The following CDK6 variants were observed in gnomAD, a reference collection of about 807,000 sequenced individuals.
The protein encoded by CDK6 is cyclin dependent kinase 6.
Under a neutral mutation model 37.1 loss-of-function variants are expected in CDK6, and 6 were observed. The observed-to-expected ratio is 0.16, with a 90% CI of 0.09 to 0.32. The LOEUF (loss-of-function observed/expected upper bound fraction) is 0.32. CDK6 is among the 10% of genes least tolerant of loss of function. The pLI, the probability that CDK6 is intolerant of heterozygous loss-of-function variation, is 1.00. For synonymous variants in CDK6, 160 were observed against 161.3 expected (o/e 0.99, Z 0.06); for missense variants, 224 against 418.9 (o/e 0.53, Z 4.06).
chr7:92,807,775 T>A (rs984348816), intron 2 of CDK6, among the ~76,000 whole-genome samples: 2 of 152,146 alleles, frequency 1.3e-5, no homozygotes, highest in African/African-American at 4.8e-5. Flanking sequence ...CTCTTATCTA[T>A]CATGATGAAC....
intron 4 of CDK6, among the ~76,000 whole-genome samples, chr7:92,722,081 T>C (rs943084873): frequency 3.9e-5 from 6 of 152,174 alleles, no homozygotes; most frequent in Admixed American, 3.9e-4. Context: ...CAAAGTTCTA[T>C]ATGTAAGAAC....
intron 3 of CDK6, among the ~76,000 whole-genome samples, chr7:92,732,932 C>G (rs1261823770): frequency 6.6e-6 from 1 of 152,146 alleles, no homozygotes; most frequent in East Asian, 1.9e-4. Context: ...TTGATGACAT[C>G]AATGAATAGC....
Position 92,612,839 on chromosome 7 carries a change from T to C in CDK6, c.*2301A>G. ...AAGCTATGTTCACTCTAGCCATGAATACTAACCAAAAAGCTCAGATGAATC... is the reference window on the plus strand; with the variant it reads ...AAGCTATGTTCACTCTAGCCATGAACACTAACCAAAAAGCTCAGATGAATC... On this transcript the variant is annotated 3_prime_UTR_variant, in exon 8 of 8. Transcript: ENST00000424848. The C allele has an allele frequency of 8.6e-6, 2 of 233,098 alleles. No individual in the cohort carries two copies. Among genetic ancestry groups the C allele is most frequent in the Non-Finnish European group, 1.7e-5 (2 of 117,952 alleles). The allele number at this position is 233,098 out of a possible 1,614,324, so 14.4% of individuals were successfully genotyped here. A position where few individuals can be genotyped will look rare whatever the true frequency, so the allele number is the denominator to read the frequency against.
chr7:92,831,779 C>T (rs1012859983), intron 2 of CDK6, among the ~76,000 whole-genome samples: 18 of 152,134 alleles, frequency 1.2e-4, no homozygotes, highest in Non-Finnish European at 2.4e-4. Context: ...GCGTTGGGAA[C>T]AAAGCACCGC....
At chr7:92,820,319 T>A (rs1248093360) in intron 2 of CDK6, among the ~76,000 whole-genome samples, 1 of 152,136 alleles carries the variant, frequency 6.6e-6, no homozygotes, top group Non-Finnish European at 1.5e-5. Context: ...ATGTTGAACC[T>A]GGAGAGAAGG....
At chr7:92,758,967 C>A (rs187487129) in intron 3 of CDK6, among the ~76,000 whole-genome samples, 1 of 152,134 alleles carries the variant, frequency 6.6e-6, no homozygotes, top group East Asian at 1.9e-4. Context: ...GGAATGCTAA[C>A]GATTTTGGTA....
At chr7:92,819,915 G>A (rs897530968) in intron 2 of CDK6, among the ~76,000 whole-genome samples, 8 of 151,890 alleles carry the variant, frequency 5.3e-5, no homozygotes, top group Non-Finnish European at 8.8e-5. Context: ...GATCCCAACT[G>A]CAAGATCAAA....
intron 5 of CDK6, among the ~76,000 whole-genome samples, chr7:92,641,402 T>C (rs1796302242): frequency 6.6e-6 from 1 of 152,208 alleles, no homozygotes; most frequent in East Asian, 1.9e-4. Flanking sequence ...AATCCTTTAC[T>C]ATAATTATGT....
At chr7:92,626,467 C>T (rs569649065) in intron 5 of CDK6, among the ~76,000 whole-genome samples, 3 of 152,162 alleles carry the variant, frequency 2.0e-5, no homozygotes, top group East Asian at 3.9e-4. Flanking sequence ...CTTACTTTTA[C>T]AGATGGGAAG....
At chr7:92,792,058 G>T (rs1412353969) in intron 2 of CDK6, among the ~76,000 whole-genome samples, 1 of 152,144 alleles carries the variant, frequency 6.6e-6, no homozygotes, top group African/African-American at 2.4e-5. Flanking sequence ...TTGCAGAATG[G>T]AAGTTGGATT....
chr7:92,750,749 G>A (rs144333357), intron 3 of CDK6, among the ~76,000 whole-genome samples: 3 of 152,174 alleles, frequency 2.0e-5, no homozygotes, highest in African/African-American at 7.2e-5. Flanking sequence ...TTTTGAAAAT[G>A]TCTTGTTATA....
chr7:92,800,858 A>G (rs1001200368), intron 2 of CDK6, among the ~76,000 whole-genome samples: 3 of 152,228 alleles, frequency 2.0e-5, no homozygotes, highest in Non-Finnish European at 2.9e-5. Flanking sequence ...GACTCTGAGG[A>G]AACCTAAGAA....
chr7:92,729,564 T>C (rs1364371485), intron 3 of CDK6, among the ~76,000 whole-genome samples: 1 of 152,200 alleles, frequency 6.6e-6, no homozygotes, highest in Non-Finnish European at 1.5e-5. Context: ...GGCTTTATCT[T>C]GGCAATGCCC....
intron 2 of CDK6, among the ~76,000 whole-genome samples, chr7:92,831,169 G>A (rs1801469606): frequency 6.6e-6 from 1 of 152,128 alleles, no homozygotes; most frequent in Non-Finnish European, 1.5e-5. Flanking sequence ...CAGAATCCAA[G>A]TCATGGGTCA....
chr7:92,715,208 G>T (rs1798199224), intron 4 of CDK6, among the ~76,000 whole-genome samples: 1 of 152,190 alleles, frequency 6.6e-6, no homozygotes, highest in Non-Finnish European at 1.5e-5. Context: ...GACAGTGCTA[G>T]AAATTTTTTA....
chr7:92,792,116 C>T (rs906938337), intron 2 of CDK6, among the ~76,000 whole-genome samples: 25 of 152,038 alleles, frequency 1.6e-4, no homozygotes, highest in Admixed American at 1.5e-3. Context: ...GAAGTGTCTG[C>T]AAAAGCCCAG....
intron 3 of CDK6, among the ~76,000 whole-genome samples, chr7:92,747,315 T>C (rs1050632219): frequency 6.6e-5 from 10 of 152,210 alleles, no homozygotes; most frequent in African/African-American, 1.9e-4. Flanking sequence ...GACCATTCTC[T>C]TTGACTGATC....
intron 2 of CDK6, among the ~76,000 whole-genome samples, chr7:92,808,059 G>A (rs556858121): frequency 1.6e-4 from 25 of 151,932 alleles, no homozygotes; most frequent in African/African-American, 3.1e-4. Context: ...CCTCAATTAC[G>A]CAAGTTAACA....
rs42038 is a variant in CDK6 at position 92,614,405 on chromosome 7, C to T, written c.*735G>A. On this transcript the variant is annotated 3_prime_UTR_variant, in exon 8 of 8. Coordinates refer to ENST00000424848, the MANE Select transcript of CDK6 (RefSeq NM_001145306.2). ...ACTTACAACAAGTAAATTCAGCATT[C>T]TGAAGACTAAATAGAATGCATGCAC... 67,699 of 232,660 alleles carry T rather than the reference C, an allele frequency of 0.29. 10,883 individuals carry two copies. Among genetic ancestry groups the T allele is most frequent in the African/African-American group, 0.37 (16,916 of 45,294 alleles). 14.4% of individuals were successfully genotyped at this position (232,660 alleles called of 1,614,324 possible). A position where few individuals can be genotyped will look rare whatever the true frequency, so the allele number is the denominator to read the frequency against.
Sources: gnomAD v4.1 joint callset for allele counts (sites outside exome capture counted in the v4.1 genomes callset) on GRCh38, gnomAD v4.1.1 for gene constraint, MANE v1.5 for transcripts, NCBI Gene and HGNC (gene_info 2026-07-23, HGNC 2026-07-21) for gene names.